Variants in C5 observed in about 807,000 individuals in gnomAD.
The protein encoded by C5 is complement C5.
Under a neutral mutation model 218.8 loss-of-function variants are expected in C5, and 140 were observed. The observed-to-expected ratio is 0.64, with a 90% CI of 0.56 to 0.74. The LOEUF is 0.74. Among genes scored for constraint, C5 ranks in the 30% least tolerant of loss-of-function variants. The pLI is 0.00. For synonymous variants in C5, 614 were observed against 682.3 expected, an observed-to-expected ratio of 0.90 and a Z score of 1.56; for missense variants, 1,700 against 1,969.6, an observed-to-expected ratio of 0.86 and a Z score of 2.59.
the C5 span, among the ~76,000 whole-genome samples, chr9:121,070,370 A>G: frequency 7.7e-6 from 1 of 130,026 alleles, no homozygotes; most frequent in East Asian, 2.2e-4. Flanking sequence ...AGAAAGAAGG[A>G]AGGAAGGAAG....
chr9:120,956,327 A>G (rs2046784658), intron 39 of C5, among the ~76,000 whole-genome samples: 1 of 152,002 alleles, frequency 6.6e-6, no homozygotes, highest in African/African-American at 2.4e-5. Context: ...CACAATAGCC[A>G]CACACACACA....
At chr9:120,969,688 A>G (rs929960657) in intron 32 of C5, among the ~76,000 whole-genome samples, 6 of 152,196 alleles carry the variant, frequency 3.9e-5, no homozygotes, top group African/African-American at 1.4e-4. Flanking sequence ...AGACTAAAAA[A>G]GAAAGGGGTA....
At chr9:121,063,363 C>A in the C5 span, among the ~76,000 whole-genome samples, 2 of 151,840 alleles carry the variant, frequency 1.3e-5, no homozygotes, top group Non-Finnish European at 2.9e-5. Context: ...TACAGAATTT[C>A]TATTTGGTTC....
intron 38 of C5, among the ~76,000 whole-genome samples, chr9:120,959,917 A>G (rs41313607): frequency 0.046 from 6,976 of 152,350 alleles, 232 homozygotes; most frequent in Middle Eastern, 0.092. Context: ...CAATTGGAAG[A>G]GTACAGAACT....
At chr9:121,060,654 G>T in the C5 span, among the ~76,000 whole-genome samples, 28 of 151,638 alleles carry the variant, frequency 1.8e-4, no homozygotes, top group African/African-American at 6.5e-4. Context: ...AAAACACTTA[G>T]TCTATCCCTC....
rs1348010208 is a variant in C5, at chr9:121,025,367, G to A, written c.1000+87C>T. 4.6e-6 allele frequency: 6 copies of A among 1,299,768 alleles called. No individual in the cohort carries two copies. In the African/African-American group the frequency reaches 6.1e-5, roughly 13 times the overall value. The allele number at this position is 1,299,768 out of a possible 1,614,324, so 80.5% of individuals were successfully genotyped here. A position where few individuals can be genotyped will look rare whatever the true frequency, so the allele number is the denominator to read the frequency against. ...CAATGTGAAATAATTATAGAAATTG[G>A]AAATTATTTATATCTTTAATATTCT... On this transcript the variant is annotated intron_variant, in intron 9 of 40. Transcript: ENST00000223642.
chr9:121,059,591 G>C, the C5 span, among the ~76,000 whole-genome samples: 4 of 152,184 alleles, frequency 2.6e-5, no homozygotes, highest in Non-Finnish European at 4.4e-5. The surrounding 1 kb of genome is among the most constrained non-coding windows in gnomAD (Gnocchi z 4.1). Flanking sequence ...GGCTCCCAGT[G>C]GTCCTTACCT....
chr9:120,999,769 G>A, intron 20 of C5: 1 of 319,128 alleles, frequency 3.1e-6, no homozygotes, highest in Non-Finnish European at 6.3e-6. Flanking sequence ...AGGAGGAAAG[G>A]TAATTAACAG....
chr9:121,031,975 A>T, intron 6 of C5, 138 bp downstream of exon 6: 1 of 551,806 alleles, frequency 1.8e-6, no homozygotes, highest in Non-Finnish European at 3.4e-6. Context: ...GAGGCAGAGA[A>T]TTGCTTGAAC....
the C5 span, among the ~76,000 whole-genome samples, chr9:121,070,527 T>C: frequency 2.7e-5 from 4 of 150,560 alleles, no homozygotes; most frequent in South Asian, 8.3e-4. Context: ...ATACTTACAA[T>C]GGAATACTAT....
intron 20 of C5, among the ~76,000 whole-genome samples, chr9:121,002,262 GTATATATATGTATATATACGTA>G (rs1564146542): frequency 2.2e-5 from 2 of 92,104 alleles, no homozygotes; most frequent in African/African-American, 6.4e-5. Context: ...ATGTATATAT[GTATATATATGTATATATACGTA>G]TATATGTATA....
intron 1 of C5, 21 bp from the exon 2 acceptor site, chr9:121,046,404 A>G (rs1283486593): frequency 3.9e-6 from 6 of 1,528,754 alleles, no homozygotes; most frequent in East Asian, 2.3e-5. Context: ...AGGAAAAGAT[A>G]AGGCTCAATG....
At chr9:120,991,582 C>T (rs975366076) in intron 22 of C5, among the ~76,000 whole-genome samples, 2 of 152,112 alleles carry the variant, frequency 1.3e-5, no homozygotes, top group African/African-American at 4.8e-5. Flanking sequence ...TGCCCAAAGA[C>T]AGAAAATTGT....
intron 17 of C5, among the ~76,000 whole-genome samples, chr9:121,008,848 T>C (rs41309874): frequency 0.04 from 6,064 of 152,176 alleles, 147 homozygotes; most frequent in South Asian, 0.069. Context: ...AAGAATCACT[T>C]GAACCTGGGA....
upstream of C5, among the ~76,000 whole-genome samples, chr9:121,053,302 G>T (rs184503097): frequency 2.0e-5 from 3 of 152,180 alleles, no homozygotes; most frequent in South Asian, 6.2e-4. Flanking sequence ...GCTCAAGCCC[G>T]CAGTCTCACG....
chr9:120,976,836 C>G lies in C5; in HGVS notation c.3728G>C (p.Gly1243Ala), dbSNP rs1416514501. 9 of 1,614,070 alleles carry G rather than the reference C, an allele frequency of 5.6e-6. No homozygotes were observed. Among genetic ancestry groups the G allele is most frequent in the Non-Finnish European group, 6.8e-6 (8 of 1,179,972 alleles). ...AGTTGTTTCTACCATACGTGCCGTA[C>G]CAGTGTTAGGTACAGAGCTGTCTTT... ...QHKDSSVPNT[G>A]TARMVETTAY... Residue 1243 changes from glycine (G) to alanine (A), a missense_variant, in exon 29 of 41, where the codon GGT becomes GCT. Coordinates refer to ENST00000223642, the MANE Select transcript of C5 (RefSeq NM_001735.3).
chr9:121,008,308 C>A, intron 18 of C5, 100 bp downstream of exon 18: 1 of 854,320 alleles, frequency 1.2e-6, no homozygotes. Flanking sequence ...CATCTTAACT[C>A]CTATGCAAGC....
chr9:121,033,426 T>C (rs1440023660), intron 5 of C5, among the ~76,000 whole-genome samples: 1 of 152,232 alleles, frequency 6.6e-6, no homozygotes, highest in African/African-American at 2.4e-5. Flanking sequence ...TAGCTTCTAC[T>C]CTGGGTCATA....
chr9:120,960,190 G>T, intron 38 of C5, 58 bp downstream of exon 38: 2 of 1,077,068 alleles, frequency 1.9e-6, no homozygotes, highest in Non-Finnish European at 2.9e-6. Context: ...CTTTCTAACT[G>T]AACACATATT....
Sources: gnomAD v4.1 joint callset for allele counts (sites outside exome capture counted in the v4.1 genomes callset) on GRCh38, gnomAD v4.1.1 for gene constraint, Gnocchi (gnomAD v3.1) non-coding constraint, MANE v1.5 for transcripts, NCBI Gene and HGNC (gene_info 2026-07-23, HGNC 2026-07-21) for gene names.